Variants in FAM168A observed in about 807,000 individuals in gnomAD.
The protein encoded by FAM168A is protein FAM168A.
FAM168A carries 3 observed loss-of-function variants against 28.5 expected under a neutral mutation model. The ratio of observed to expected loss-of-function variants is 0.11; its 90% CI spans 0.05 to 0.27. The LOEUF (loss-of-function observed/expected upper bound fraction) is 0.27. FAM168A is among the 10% of genes least tolerant of loss of function. The pLI, the probability that FAM168A is intolerant of heterozygous loss-of-function variation, is 1.00. For synonymous variants in FAM168A, 122 were observed against 124.2 expected (o/e 0.98, Z 0.12); for missense variants, 222 against 311.5 (o/e 0.71, Z 2.16).
At chr11:73,456,025 C>T (rs1867525935) in intron 2 of FAM168A, among the ~76,000 whole-genome samples, 1 of 152,226 alleles carries the variant, frequency 6.6e-6, no homozygotes, top group South Asian at 2.1e-4. Context: ...AGGGAATCTT[C>T]TATGACCTTG....
chr11:73,541,113 G>A (rs1049923632), intron 1 of FAM168A, among the ~76,000 whole-genome samples: 4 of 151,954 alleles, frequency 2.6e-5, no homozygotes, highest in African/African-American at 4.8e-5. Context: ...GCTGAGACAG[G>A]AGAAGCACCT....
At position 73,560,184 on chromosome 11, in the gene FAM168A, C is replaced by A. The variant is rs373359380; in HGVS notation, c.-19+37739G>T. Among the ~76,000 whole-genome samples, 6 of 152,016 alleles carry A rather than the reference C, an allele frequency of 3.9e-5. No individual in the cohort carries two copies. The South Asian group carries it at 1.2e-3, about 31-fold the overall frequency. On this transcript the variant is annotated intron_variant, in intron 1 of 7. Transcript: ENST00000356467. Reference sequence around the variant, plus strand: ...ACTCAAGCGATCCTCCCAGCTCAGCCTCCTGAGGAGCTGAGACTATAGACA... The same window carrying A: ...ACTCAAGCGATCCTCCCAGCTCAGCATCCTGAGGAGCTGAGACTATAGACA...
At chr11:73,536,619 G>A (rs1425908725) in intron 1 of FAM168A, among the ~76,000 whole-genome samples, 1 of 152,062 alleles carries the variant, frequency 6.6e-6, no homozygotes, top group Non-Finnish European at 1.5e-5. Flanking sequence ...CCCAGAAGGT[G>A]GAGGTTGTGG....
chr11:73,450,867 A>T (rs1186212993), intron 2 of FAM168A, among the ~76,000 whole-genome samples: 1 of 152,218 alleles, frequency 6.6e-6, no homozygotes. Context: ...CCTGAAAGAA[A>T]GGACAAGTCT....
intron 4 of FAM168A, among the ~76,000 whole-genome samples, chr11:73,415,259 G>A (rs573292506): frequency 2.0e-5 from 3 of 152,348 alleles, no homozygotes; most frequent in South Asian, 4.1e-4. Context: ...TGAGATAGAA[G>A]CAGAACTGCA....
intron 2 of FAM168A, among the ~76,000 whole-genome samples, chr11:73,459,465 G>A (rs1416680322): frequency 1.4e-5 from 2 of 146,104 alleles, no homozygotes; most frequent in Non-Finnish European, 3.0e-5. Context: ...CAGCCTGGGC[G>A]ACAGAGCAAG....
chr11:73,457,326 G>T (rs897712195), intron 2 of FAM168A, among the ~76,000 whole-genome samples: 3 of 151,588 alleles, frequency 2.0e-5, no homozygotes, highest in Non-Finnish European at 2.9e-5. Flanking sequence ...GGACTTCAAG[G>T]CTGTAGTGAG....
chr11:73,522,179 T>C (rs1764496763), intron 1 of FAM168A, among the ~76,000 whole-genome samples: 1 of 128,646 alleles, frequency 7.8e-6, no homozygotes, highest in African/African-American at 3.0e-5. Context: ...ATGTAATTCC[T>C]ATAAAGGGGT....
At chr11:73,525,886 C>T (rs1436060482) in intron 1 of FAM168A, among the ~76,000 whole-genome samples, 1 of 152,080 alleles carries the variant, frequency 6.6e-6, no homozygotes, top group Non-Finnish European at 1.5e-5. Flanking sequence ...TTCAAATTAC[C>T]TTATTTTAAT....
rs371580618 is a variant in FAM168A, at chr11:73,404,361, C to T, written c.*2402G>A. 1 of 152,170 alleles carries T rather than the reference C, an allele frequency of 6.6e-6. No homozygotes were observed. 9.4% of individuals were successfully genotyped at this position (152,170 alleles called of 1,614,324 possible). ...TTGACTGTAATAACTCTAACCCTGT[C>T]CCTCTCAGGGCGAGTACATGAAAGG... is the stretch of plus-strand genomic sequence containing the variant. On this transcript the variant is annotated 3_prime_UTR_variant, in exon 8 of 8. Coordinates refer to ENST00000356467, the MANE Select transcript of FAM168A (RefSeq NM_015159.3).
At chr11:73,573,253 T>G (rs1944128780) in intron 1 of FAM168A, among the ~76,000 whole-genome samples, 1 of 152,220 alleles carries the variant, frequency 6.6e-6, no homozygotes, top group African/African-American at 2.4e-5. Context: ...CCTAGAAGGC[T>G]TAAAACCAGG....
chr11:73,511,801 C>T (rs1466690580), intron 1 of FAM168A, among the ~76,000 whole-genome samples: 1 of 152,194 alleles, frequency 6.6e-6, no homozygotes, highest in African/African-American at 2.4e-5. Context: ...AGGATCCCCA[C>T]ACTTCACAGG....
chr11:73,445,419 C>CTCTCTCTCT lies in FAM168A; in HGVS notation c.71-14650_71-14649insAGAGAGAGA, dbSNP rs776745757. ...CCAGTAGATATATGTAAAAATGTCTCTTTTTTTTTTTTTTTTTTTTTTTTT... is the reference window on the plus strand; with the variant it reads ...CCAGTAGATATATGTAAAAATGTCTCTCTCTCTCTTTTTTTTTTTTTTTTTTTTTTTTTT... On this transcript the variant is annotated intron_variant, in intron 2 of 7. Transcript: ENST00000356467. Among the ~76,000 whole-genome samples the CTCTCTCTCT allele has an allele frequency of 8.1e-3, 409 of 50,528 alleles. 8 individuals are homozygous for CTCTCTCTCT. The highest frequency in any genetic ancestry group is 0.027 in the East Asian group (39 of 1,428). The allele number at this position is 50,528 out of a possible 152,430, so 33.1% of individuals were successfully genotyped here.
At chr11:73,576,000 A>G (rs1944168898) in intron 1 of FAM168A, among the ~76,000 whole-genome samples, 1 of 152,244 alleles carries the variant, frequency 6.6e-6, no homozygotes, top group Admixed American at 6.5e-5. Flanking sequence ...AAACTCAAAC[A>G]TAGGATATTC....
chr11:73,546,288 G>T (rs1258224608), intron 1 of FAM168A, among the ~76,000 whole-genome samples: 5 of 152,216 alleles, frequency 3.3e-5, no homozygotes, highest in African/African-American at 1.2e-4. Context: ...TCACCTATGT[G>T]GGGGGCGGGA....
intron 2 of FAM168A, among the ~76,000 whole-genome samples, chr11:73,437,395 C>G: frequency 6.9e-6 from 1 of 145,848 alleles, no homozygotes; most frequent in Non-Finnish European, 1.5e-5. Context: ...CCACGCCCGG[C>G]CACTCTTTTT....
At chr11:73,528,505 T>C (rs1455550583) in intron 1 of FAM168A, among the ~76,000 whole-genome samples, 1 of 152,198 alleles carries the variant, frequency 6.6e-6, no homozygotes, top group African/African-American at 2.4e-5. Flanking sequence ...TCCTCATATA[T>C]ATAAATATTG....
intron 1 of FAM168A, among the ~76,000 whole-genome samples, chr11:73,567,274 T>C (rs889271942): frequency 6.6e-6 from 1 of 152,160 alleles, no homozygotes; most frequent in Non-Finnish European, 1.5e-5. Context: ...CTTGAGTGAC[T>C]GAGAAAATGG....
chr11:73,426,137 G>A (rs1160233212), intron 3 of FAM168A, among the ~76,000 whole-genome samples: 1 of 152,210 alleles, frequency 6.6e-6, no homozygotes, highest in Non-Finnish European at 1.5e-5. Context: ...ATTCTCATGA[G>A]GAGGTTATTT....
Sources: gnomAD v4.1 joint callset for allele counts (sites outside exome capture counted in the v4.1 genomes callset) on GRCh38, gnomAD v4.1.1 for gene constraint, MANE v1.5 for transcripts, NCBI Gene and HGNC (gene_info 2026-07-23, HGNC 2026-07-21) for gene names.